The following KTN1 variants were observed in gnomAD, a reference collection of about 807,000 sequenced individuals.
The protein encoded by KTN1 is kinectin.
A neutral mutation model predicts 222.5 loss-of-function variants in KTN1; 130 were observed. The observed-to-expected ratio is 0.58, with a 90% confidence interval of 0.51 to 0.68. The LOEUF (loss-of-function observed/expected upper bound fraction) is 0.68. Among genes scored for constraint, KTN1 ranks in the 30% least tolerant of loss-of-function variants. KTN1 has a pLI of 0.00. For synonymous variants in KTN1, 512 were observed against 496.3 expected, an observed-to-expected ratio of 1.03 and a Z score of -0.42; for missense variants, 1,508 against 1,500.4, an observed-to-expected ratio of 1.01 and a Z score of -0.08.
At chr14:55,649,116 A>G (rs1035484092) in intron 21 of KTN1, among the ~76,000 whole-genome samples, 4 of 152,122 alleles carry the variant, frequency 2.6e-5, no homozygotes, top group African/African-American at 9.7e-5. Context: ...TTGTAGAGAT[A>G]GGGTCTCGAC....
At chr14:55,668,026 A>G (rs914031179) in intron 34 of KTN1, 2 of 152,008 alleles carry the variant, frequency 1.3e-5, no homozygotes, top group Admixed American at 6.6e-5. Flanking sequence ...CATATAAGCA[A>G]TCTTCTTTTA....
chr14:55,601,616 A>G (rs1377715811), intron 1 of KTN1: 1 of 152,210 alleles, frequency 6.6e-6, no homozygotes, highest in Non-Finnish European at 1.5e-5. Context: ...TGTTTTTTCA[A>G]AATGATTTGT....
At position 55,605,937 on chromosome 14, in the gene KTN1, A is replaced by G. The variant is rs1256006040; in HGVS notation, c.-30-6082A>G. Among the ~76,000 whole-genome samples, 3 of 152,174 alleles carry G rather than the reference A, an allele frequency of 2.0e-5. No homozygotes were observed. In the East Asian group the frequency reaches 5.8e-4, roughly 29 times the overall value. ...ACTTACCATAAATCATTTTTCTTAAAAAAAGATTAACTTGTCTGTTTAAAA... is the reference window on the plus strand; with the variant it reads ...ACTTACCATAAATCATTTTTCTTAAGAAAAGATTAACTTGTCTGTTTAAAA... On this transcript the variant is annotated intron_variant, in intron 1 of 43. Transcript: ENST00000395314.
chr14:55,632,304 C>G (rs1040823043), intron 7 of KTN1, among the ~76,000 whole-genome samples: 3 of 152,146 alleles, frequency 2.0e-5, no homozygotes, highest in Non-Finnish European at 4.4e-5. Flanking sequence ...TTACAGAGGT[C>G]AGGATATAGA....
intron 3 of KTN1, among the ~76,000 whole-genome samples, chr14:55,616,856 GA>G (rs901489886): frequency 4.6e-5 from 7 of 152,082 alleles, no homozygotes; most frequent in Admixed American, 6.6e-5. Context: ...CATTTGAGAT[GA>G]AAAAGTTTAT....
chr14:55,667,311 T>G lies in KTN1; in HGVS notation c.3248T>G (p.Val1083Gly), dbSNP rs972138838. 1 of 1,592,642 alleles carries G rather than the reference T, an allele frequency of 6.3e-7. No homozygotes were observed. Among genetic ancestry groups the G allele is most frequent in the Non-Finnish European group, 8.6e-7 (1 of 1,166,202 alleles). ...KEVLKKLFPKVSVPSNLSYGE... is the reference protein window; with the variant it reads ...KEVLKKLFPKGSVPSNLSYGE... ...GTTCTCAAAAAATTATTTCCAAAGG[T>G]GTCTGTCCCTTCTAATTTGGTAAGA... is the stretch of plus-strand genomic sequence containing the variant. Residue 1083 changes from valine (V) to glycine (G), a missense_variant, in exon 34 of 44, where the codon GTG becomes GGG. Transcript: ENST00000395314.
intron 16 of KTN1, 64 bp from the exon 17 acceptor site, chr14:55,641,063 C>T: frequency 1.4e-6 from 2 of 1,459,082 alleles, no homozygotes; most frequent in Non-Finnish European, 1.9e-6. Flanking sequence ...GATAGTTGTG[C>T]CCATAATTCT....
At chr14:55,637,680 A>T in intron 11 of KTN1, 99 bp from the exon 12 acceptor site, 1 of 841,150 alleles carries the variant, frequency 1.2e-6, no homozygotes, top group Non-Finnish European at 1.8e-6. Flanking sequence ...AAAAAAAAAA[A>T]GAAAAAGATA....
Position 55,667,378 on chromosome 14 carries a change from A to G in KTN1, c.3267+48A>G, listed in dbSNP as rs767575635. 2.7e-6 allele frequency: 3 copies of G among 1,124,166 alleles called. No homozygotes were observed. In the East Asian group the frequency reaches 7.4e-5, roughly 28 times the overall value. The allele number at this position is 1,124,166 out of a possible 1,614,324, so 69.6% of individuals were successfully genotyped here. A position where few individuals can be genotyped will look rare whatever the true frequency, so the allele number is the denominator to read the frequency against. On this transcript the variant is annotated intron_variant, in intron 34 of 43. Coordinates refer to ENST00000395314, the MANE Select transcript of KTN1 (RefSeq NM_001079521.2). Reference sequence around the variant, plus strand: ...TTAACATGATGACATTATTCAAGAAAGGTGTGAATAAGCAACATCATTTGC... The same window carrying G: ...TTAACATGATGACATTATTCAAGAAGGGTGTGAATAAGCAACATCATTTGC...
chr14:55,589,656 CTTTT>C (rs765755065), intron 1 of KTN1, among the ~76,000 whole-genome samples: 12 of 102,060 alleles, frequency 1.2e-4, no homozygotes, highest in East Asian at 3.2e-4. Context: ...CATCTGATTT[CTTTT>C]TTTTTTTTTT....
chr14:55,643,071 C>T (rs533963840), intron 18 of KTN1, among the ~76,000 whole-genome samples: 8 of 151,996 alleles, frequency 5.3e-5, no homozygotes, highest in Middle Eastern at 6.8e-3. Flanking sequence ...CACCATGCTC[C>T]GCTGATTTTT....
At chr14:55,597,073 A>C (rs1426851919) in intron 1 of KTN1, among the ~76,000 whole-genome samples, 1 of 151,738 alleles carries the variant, frequency 6.6e-6, no homozygotes, top group Non-Finnish European at 1.5e-5. Context: ...GAAAAAAAAA[A>C]TCCAAAGGGA....
At chr14:55,632,858 T>A (rs1201812231) in intron 7 of KTN1, among the ~76,000 whole-genome samples, 2 of 152,206 alleles carry the variant, frequency 1.3e-5, no homozygotes, top group Admixed American at 1.3e-4. Flanking sequence ...TACTAAAGAC[T>A]TTAAGAATAT....
intron 5 of KTN1, among the ~76,000 whole-genome samples, chr14:55,622,194 C>T (rs888064152): frequency 6.6e-6 from 1 of 151,994 alleles, no homozygotes; most frequent in African/African-American, 2.4e-5. Flanking sequence ...TAAACTGTAC[C>T]GTGCTTTGCT....
chr14:55,655,418 G>C (rs369031238), intron 28 of KTN1, among the ~76,000 whole-genome samples: 4 of 152,244 alleles, frequency 2.6e-5, no homozygotes, highest in African/African-American at 9.6e-5. Flanking sequence ...TCAAGGTGTG[G>C]TAAAAATAAG....
intron 1 of KTN1, among the ~76,000 whole-genome samples, chr14:55,607,833 A>C (rs2036960682): frequency 6.6e-6 from 1 of 152,194 alleles, no homozygotes; most frequent in South Asian, 2.1e-4. Flanking sequence ...GCAATGCGCT[A>C]TCATAGGGAT....
At chr14:55,594,587 C>T (rs1300739841) in intron 1 of KTN1, among the ~76,000 whole-genome samples, 3 of 145,482 alleles carry the variant, frequency 2.1e-5, no homozygotes, top group Admixed American at 1.4e-4. Flanking sequence ...ACTTGAAAAT[C>T]AAATATCCAA....
At chr14:55,590,505 C>G (rs1232370101) in intron 1 of KTN1, among the ~76,000 whole-genome samples, 1 of 151,942 alleles carries the variant, frequency 6.6e-6, no homozygotes, top group African/African-American at 2.4e-5. Flanking sequence ...TTCTTTATGT[C>G]CCTTCCCACA....
chr14:55,652,683 G>T lies in KTN1; in HGVS notation c.2604-167G>T, dbSNP rs142517226. ...CAAAGTGTTGGGATTACAGGCGTGAGCCACTGCGCCTGGCCTTGTATGCCT... is the reference window on the plus strand; with the variant it reads ...CAAAGTGTTGGGATTACAGGCGTGATCCACTGCGCCTGGCCTTGTATGCCT... On this transcript the variant is annotated intron_variant, in intron 25 of 43. Coordinates refer to ENST00000395314, the MANE Select transcript of KTN1 (RefSeq NM_001079521.2). 5.5e-3 allele frequency among the ~76,000 whole-genome samples: 831 copies of T among 152,304 alleles called. 11 individuals are homozygous for T. The highest frequency in any genetic ancestry group is 0.019 in the African/African-American group (804 of 41,562).
Sources: allele counts gnomAD v4.1 joint callset (sites outside exome capture counted in the v4.1 genomes callset), GRCh38; gene constraint gnomAD v4.1.1; transcripts MANE v1.5; gene names NCBI Gene and HGNC (gene_info 2026-07-23, HGNC 2026-07-21).